Variants in DMD observed in about 807,000 individuals in gnomAD.
The protein encoded by DMD is dystrophin, also known as mutant dystrophin.
Under a neutral mutation model 330.1 loss-of-function variants are expected in DMD, and 63 were observed. The ratio of observed to expected loss-of-function variants is 0.19; its 90% CI spans 0.16 to 0.24. The LOEUF is 0.24. Among genes scored for constraint, DMD ranks in the 10% least tolerant of loss-of-function variants. The probability of loss-of-function intolerance (pLI) is 1.00; values close to 1 mark genes in which losing one functional copy is unlikely to be tolerated. For synonymous variants in DMD, 1,223 were observed against 959.8 expected (o/e 1.27, Z -5.07); for missense variants, 3,344 against 2,684.1 (o/e 1.25, Z -5.43).
rs1296539300 is a variant in DMD, at chrX:32,768,579, G to A, written c.649+40914C>T. Among the ~76,000 whole-genome samples, 3 of 111,909 alleles carry A rather than the reference G, an allele frequency of 2.7e-5. No homozygotes were observed. In the Admixed American group the frequency reaches 2.8e-4, roughly 11 times the overall value. ...TTTAAATCAACAAAATTCAATGTCA[G>A]AATGTATCATTTTTTTCTATGGTAT... On this transcript the variant is annotated intron_variant, in intron 7 of 78. Transcript: ENST00000357033.
rs373553266 is a variant in DMD at position 31,222,648 on chromosome X, CAT to C, written c.9361+397_9361+398del. On this transcript the variant is annotated intron_variant, in intron 64 of 78. Transcript: ENST00000357033. ...TTAGCATTCAAGCTAATAAACCACACATGTCTATGAAGTTTGGTTTAGATCAG... is the reference window on the plus strand; with the variant it reads ...TTAGCATTCAAGCTAATAAACCACACGTCTATGAAGTTTGGTTTAGATCAG... Among the ~76,000 whole-genome samples the C allele has an allele frequency of 1.1e-3, 126 of 110,778 alleles. 1 individual carries two copies. Among genetic ancestry groups the C allele is most frequent in the Middle Eastern group, 9.2e-3 (2 of 218 alleles).
intron 47 of DMD, among the ~76,000 whole-genome samples, chrX:31,925,059 C>G (rs540319389): frequency 7.5e-4 from 84 of 112,041 alleles, no homozygotes; most frequent in Non-Finnish European, 1.1e-3. Flanking sequence ...ACATGTTTTG[C>G]TATATTACAC....
chrX:33,141,579 A>AT (rs2047802031), intron 1 of DMD, among the ~76,000 whole-genome samples: 1 of 111,698 alleles, frequency 9.0e-6, no homozygotes, highest in Non-Finnish European at 1.9e-5. Context: ...AAAATATCTG[A>AT]TTTTCACAAG....
chrX:32,892,199 C>G (rs1487846311), intron 2 of DMD, among the ~76,000 whole-genome samples: 2 of 111,862 alleles, frequency 1.8e-5, no homozygotes, highest in African/African-American at 6.5e-5. Flanking sequence ...ACAACTGTTA[C>G]AGTTTCATAG....
intron 1 of DMD, among the ~76,000 whole-genome samples, chrX:33,110,948 A>G (rs1029825773): frequency 1.4e-4 from 16 of 111,413 alleles, no homozygotes; most frequent in African/African-American, 4.9e-4. Flanking sequence ...TAAAATATTT[A>G]TTATAATTAA....
intron 7 of DMD, among the ~76,000 whole-genome samples, chrX:32,722,125 G>A (rs1035213358): frequency 9.2e-6 from 1 of 108,758 alleles, no homozygotes; most frequent in Non-Finnish European, 1.9e-5. Flanking sequence ...AGATTGTTCT[G>A]GCTATTTGGG....
At chrX:32,544,534 T>C (rs1339820019) in intron 17 of DMD, among the ~76,000 whole-genome samples, 6 of 112,058 alleles carry the variant, frequency 5.4e-5, no homozygotes. Flanking sequence ...TGCCATCATT[T>C]TAATATATCC....
intron 1 of DMD, among the ~76,000 whole-genome samples, chrX:33,186,615 A>C (rs780200389): frequency 1.2e-3 from 136 of 111,851 alleles, no homozygotes; most frequent in African/African-American, 4.1e-3. Flanking sequence ...TCTTAAACTA[A>C]AAATAAGTTT....
At chrX:31,283,362 G>A (rs985859797) in intron 62 of DMD, among the ~76,000 whole-genome samples, 3 of 111,300 alleles carry the variant, frequency 2.7e-5, no homozygotes, top group Admixed American at 1.9e-4. Flanking sequence ...AGTCATTATC[G>A]TGTCTGAATT....
intron 34 of DMD, among the ~76,000 whole-genome samples, chrX:32,370,992 A>C (rs2097874489): frequency 9.0e-6 from 1 of 111,110 alleles, no homozygotes; most frequent in South Asian, 3.8e-4. Context: ...TTAGAGTTAG[A>C]CCAATTAAAT....
chrX:31,208,444 A>AGTGCC (rs765218523), intron 65 of DMD, among the ~76,000 whole-genome samples: 127 of 112,260 alleles, frequency 1.1e-3, no homozygotes, highest in Non-Finnish European at 2.0e-3. Context: ...CAAAGAAAAC[A>AGTGCC]GTGCCAAAAT....
At chrX:32,304,180 G>T (rs772735880) in intron 42 of DMD, among the ~76,000 whole-genome samples, 2 of 111,190 alleles carry the variant, frequency 1.8e-5, no homozygotes, top group South Asian at 3.7e-4. Flanking sequence ...AGCTTCAACC[G>T]TTTGTGAATA....
rs552938715 is a variant in DMD at position 32,920,080 on chromosome X, G to A, written c.94-70260C>T. ...AATTTAATTTGATACATCAACCTCCGTCCTCAATCAAACACTAGATGGATA... is the reference window on the plus strand; with the variant it reads ...AATTTAATTTGATACATCAACCTCCATCCTCAATCAAACACTAGATGGATA... On this transcript the variant is annotated intron_variant, in intron 2 of 78. Coordinates refer to ENST00000357033, the MANE Select transcript of DMD (RefSeq NM_004006.3). Among the ~76,000 whole-genome samples the A allele has an allele frequency of 1.4e-4, 15 of 110,970 alleles. No individual in the cohort carries two copies. The South Asian group carries it at 4.2e-3, about 31-fold the overall frequency.
chrX:32,546,531 T>C (rs2048980161), intron 16 of DMD, among the ~76,000 whole-genome samples: 1 of 111,448 alleles, frequency 9.0e-6, no homozygotes, highest in East Asian at 2.8e-4. Context: ...AGCTTCCAAA[T>C]TGGCAATGAA....
At chrX:32,201,469 A>AACCCC (rs2097037261) in intron 44 of DMD, among the ~76,000 whole-genome samples, 4 of 48,438 alleles carry the variant, frequency 8.3e-5, no homozygotes, top group East Asian at 5.8e-4. Flanking sequence ...AAATTCAAAC[A>AACCCC]CCCCCCCCCC....
chrX:31,833,283 AGAGAGAGAGGGAGAGAGG>A (rs1466325960), intron 49 of DMD, among the ~76,000 whole-genome samples: 5 of 44,525 alleles, frequency 1.1e-4, no homozygotes, highest in Admixed American at 2.7e-4. Context: ...GGAGAGAGAG[AGAGAGAGAGGGAGAGAGG>A]GAGAGAGGGA....
At chrX:32,328,818 C>A (rs1480904954) in intron 41 of DMD, among the ~76,000 whole-genome samples, 1 of 110,939 alleles carries the variant, frequency 9.0e-6, no homozygotes, top group African/African-American at 3.3e-5. Context: ...CTGTTGAAAC[C>A]CATAATTTTG....
intron 2 of DMD, among the ~76,000 whole-genome samples, chrX:32,887,175 G>A (rs953455050): frequency 2.8e-5 from 3 of 109,058 alleles, no homozygotes; most frequent in African/African-American, 1.0e-4. Flanking sequence ...GTGAAACCCC[G>A]TCTCTACTAA....
chrX:32,883,484 G>C (rs1025219194), intron 2 of DMD, among the ~76,000 whole-genome samples: 1 of 110,552 alleles, frequency 9.0e-6, no homozygotes. Flanking sequence ...TGTCATTCTA[G>C]AGTTAACATG....
Sources: gnomAD v4.1 joint callset for allele counts (sites outside exome capture counted in the v4.1 genomes callset) on GRCh38, gnomAD v4.1.1 for gene constraint, MANE v1.5 for transcripts, NCBI Gene and HGNC (gene_info 2026-07-23, HGNC 2026-07-21) for gene names.